CCNT1: variants seen among roughly 807,000 people sequenced by gnomAD.
The protein encoded by CCNT1 is cyclin T1.
In CCNT1, 18 loss-of-function variants were observed where a neutral mutation model predicts 67.3. That is an observed-to-expected ratio of 0.27 (90% CI 0.18 to 0.40). The LOEUF is 0.40. Ranked by LOEUF, CCNT1 falls within the 10% of genes least tolerant of loss-of-function variation. The pLI is 1.00. For missense variants in CCNT1, 744 were observed against 884.9 expected (o/e 0.84, Z 2.02); for synonymous variants, 333 against 310.3 (o/e 1.07, Z -0.77).
chr12:48,716,646 TTTG>T lies in CCNT1; in HGVS notation c.27_29del (p.Asn9del), dbSNP rs377525493. On this transcript the variant is annotated inframe_deletion, in exon 1 of 9. Coordinates refer to ENST00000261900, the MANE Select transcript of CCNT1 (RefSeq NM_001240.4). ...GCTGTTCTCGAGTGAAATACCACCG[TTTG>T]TTGTTGTTCTTCCTCTCTCCCTCCA... 31 of 1,614,104 alleles carry T rather than the reference TTTG, an allele frequency of 1.9e-5. No homozygotes were observed. In the African/African-American group the frequency reaches 2.3e-4, roughly 12 times the overall value.
chr12:48,710,852 G>C (rs1034000463), intron 2 of CCNT1, among the ~76,000 whole-genome samples: 1 of 152,152 alleles, frequency 6.6e-6, no homozygotes, highest in African/African-American at 2.4e-5. Context: ...CGTGAGGTCA[G>C]GAATTCAAGA....
In CCNT1 at chr12:48,691,456, C is replaced by A. The variant is rs1940072112; in HGVS notation, c.*1577G>T. 1 of 152,112 alleles carries A rather than the reference C, an allele frequency of 6.6e-6. No homozygotes were observed. The highest frequency in any genetic ancestry group is 1.5e-5 in the Non-Finnish European group (1 of 68,000). The allele number at this position is 152,112 out of a possible 1,614,324, so 9.4% of individuals were successfully genotyped here. A position where few individuals can be genotyped will look rare whatever the true frequency, so the allele number is the denominator to read the frequency against. On this transcript the variant is annotated 3_prime_UTR_variant, in exon 9 of 9. Coordinates refer to ENST00000261900, the MANE Select transcript of CCNT1 (RefSeq NM_001240.4). ...AGAGCAAAAAAAATGCAATGAAGAT[C>A]AAAGAATATCTCATTAAATGATCTC...
At position 48,694,206 on chromosome 12, in the gene CCNT1, G is replaced by A; in HGVS notation, c.1008C>T (p.Ser336=). 2.5e-6 allele frequency: 4 copies of A among 1,614,188 alleles called. No homozygotes were observed. The highest frequency in any genetic ancestry group is 1.6e-4 in the Middle Eastern group (1 of 6,062). ...VEMLPGKRWL[S]SQPSFKLEPT... ...GTTCTAGTTTGAAAGAAGGTTGGGA[G>A]GACAGCCAACGCTTGCCCGGCAACA... Residue 336 remains serine, a synonymous_variant, in exon 9 of 9, where the codon TCC becomes TCT. Transcript: ENST00000261900.
At chr12:48,708,465 T>C (rs1212966705) in intron 2 of CCNT1, among the ~76,000 whole-genome samples, 2 of 151,906 alleles carry the variant, frequency 1.3e-5, no homozygotes, top group African/African-American at 4.8e-5. Flanking sequence ...GAGAATCGCT[T>C]GAACCCAGGA....
rs558154621 is a variant in CCNT1, at chr12:48,694,393, G to C, written c.821C>G (p.Thr274Arg). The change falls in exon 9 of 9, where the codon ACA (threonine) becomes AGA (arginine). Residue 274 changes from threonine (T) to arginine (R), a missense_variant. Physicochemically the swap from Thr to Arg is moderately conservative, Grantham distance 71 (BLOSUM62 -1). Around this residue, in one of 3 missense-constraint regions of CCNT1, gnomAD observed 564 missense variants for 574.2 expected, o/e 0.98. Transcript: ENST00000261900. ...TGTCTGCTCTGAAGTCTTTTCATCTGTTCCTCGGTCATCTGCTTTTGTTTT... is the reference window on the plus strand; with the variant it reads ...TGTCTGCTCTGAAGTCTTTTCATCTCTTCCTCGGTCATCTGCTTTTGTTTT... ...AKKTKADDRGTDEKTSEQTIL... is the reference protein window; with the variant it reads ...AKKTKADDRGRDEKTSEQTIL... 26 of 1,613,846 alleles carry C rather than the reference G, an allele frequency of 1.6e-5. 2 individuals carry two copies. The South Asian group carries it at 2.6e-4, about 16-fold the overall frequency.
At chr12:48,702,933 T>C (rs6580692) in intron 3 of CCNT1, among the ~76,000 whole-genome samples, 112,353 of 151,894 alleles carry the variant, frequency 0.74, 42,641 homozygotes, top group East Asian at 0.99. Context: ...CCAGCCTGGG[T>C]AACATGGTAA....
At chr12:48,702,876 T>C (rs1274995234) in intron 3 of CCNT1, among the ~76,000 whole-genome samples, 1 of 152,008 alleles carries the variant, frequency 6.6e-6, no homozygotes, top group Non-Finnish European at 1.5e-5. Flanking sequence ...TTCTAACACT[T>C]TGGGAGGCCA....
intron 2 of CCNT1, among the ~76,000 whole-genome samples, chr12:48,709,756 T>C (rs984937800): frequency 5.3e-5 from 8 of 152,210 alleles, no homozygotes; most frequent in Non-Finnish European, 7.3e-5. Flanking sequence ...CAGAAAAATG[T>C]CTGGGTCACT....
At chr12:48,702,132 G>A (rs1019950791) in intron 3 of CCNT1, among the ~76,000 whole-genome samples, 8 of 151,970 alleles carry the variant, frequency 5.3e-5, no homozygotes, top group East Asian at 1.9e-4. Flanking sequence ...CCTGACCTCA[G>A]GTGATCCACC....
At chr12:48,715,855 G>A (rs1316514) in intron 1 of CCNT1, among the ~76,000 whole-genome samples, 42,143 of 152,092 alleles carry the variant, frequency 0.28, 7,157 homozygotes, top group East Asian at 0.76. Flanking sequence ...TTAGATTCGT[G>A]GGTATCCCCT....
chr12:48,693,590 G>A lies in CCNT1; in HGVS notation c.1624C>T (p.Pro542Ser). Residue 542 changes from proline (P) to serine (S), a missense_variant, in exon 9 of 9, where the codon CCT (proline) becomes TCT (serine). By Grantham distance (74) the Pro-to-Ser change is moderately conservative (BLOSUM62 -1). Around this residue, in one of 3 missense-constraint regions of CCNT1, gnomAD observed 564 missense variants for 574.2 expected, o/e 0.98. Coordinates refer to ENST00000261900, the MANE Select transcript of CCNT1 (RefSeq NM_001240.4). ...QLPVGTGNKR[P>S]GDPKHSSQTS... ...TGGCTACTATGTTTTGGATCACCAG[G>A]ACGTTTGTTCCCAGTACCAACTGGA... The A allele has an allele frequency of 6.2e-7, 1 of 1,614,192 alleles. No homozygotes were observed. Among genetic ancestry groups the A allele is most frequent in the Non-Finnish European group, 8.5e-7 (1 of 1,180,036 alleles).
Position 48,693,893 on chromosome 12 carries a change from T to C in CCNT1, c.1321A>G (p.Ile441Val), listed in dbSNP as rs759231919. ...CGCTCGGGGTTTTCTGAACCCTCTA[T>C]GGGCATTTTTAGAATGACTGAAGAA... ...SHSSVILKMP[I>V]EGSENPERPF... is the part of the protein sequence containing the mutation. The change falls in exon 9 of 9, where the codon ATA becomes GTA. Residue 441 changes from isoleucine (I) to valine (V), a missense_variant. Physicochemically the swap from Ile to Val is conservative, Grantham distance 29. Coordinates refer to ENST00000261900, the MANE Select transcript of CCNT1 (RefSeq NM_001240.4). 7.4e-6 allele frequency: 12 copies of C among 1,613,990 alleles called. No individual in the cohort carries two copies. In the East Asian group the frequency reaches 1.1e-4, roughly 15 times the overall value.
intron 6 of CCNT1, among the ~76,000 whole-genome samples, chr12:48,697,428 C>A (rs1042208724): frequency 6.6e-6 from 1 of 150,784 alleles, no homozygotes; most frequent in African/African-American, 2.4e-5. Flanking sequence ...GAGGCTGAGG[C>A]CGGAGAATCA....
At chr12:48,695,410 AC>A (rs1267939909) in intron 8 of CCNT1, among the ~76,000 whole-genome samples, 1 of 152,246 alleles carries the variant, frequency 6.6e-6, no homozygotes, top group Non-Finnish European at 1.5e-5. Context: ...AAACTGTGAT[AC>A]CGGCTCTAAC....
At chr12:48,696,837 A>G (rs1940175298) in intron 6 of CCNT1, among the ~76,000 whole-genome samples, 1 of 152,056 alleles carries the variant, frequency 6.6e-6, no homozygotes, top group Non-Finnish European at 1.5e-5. Context: ...TGTACTAATC[A>G]TTTACTTTTT....
Position 48,693,528 on chromosome 12 carries a change from A to C in CCNT1, c.1686T>G (p.Ser562=). 1 of 1,614,218 alleles carries C rather than the reference A, an allele frequency of 6.2e-7. No homozygotes were observed. The highest frequency in any genetic ancestry group is 8.5e-7 in the Non-Finnish European group (1 of 1,180,030). ...SNLAHKTYSL[S]SSFSSSSSTR... The stretch of plus-strand genomic sequence containing the variant: ...TAGAACTGGAAGAGGAAAAAGAACT[A>C]GACAAGCTATAGGTTTTATGTGCTA... Residue 562 remains serine (S), a synonymous_variant, in exon 9 of 9, where the codon TCT becomes TCG. Coordinates refer to ENST00000261900, the MANE Select transcript of CCNT1 (RefSeq NM_001240.4).
intron 3 of CCNT1, among the ~76,000 whole-genome samples, chr12:48,703,276 C>CA (rs527510606): frequency 6.7e-5 from 10 of 150,270 alleles, no homozygotes; most frequent in African/African-American, 1.2e-4. Flanking sequence ...GATTCTGTCT[C>CA]AAAAAAAACA....
intron 3 of CCNT1, among the ~76,000 whole-genome samples, chr12:48,704,282 G>A (rs944791598): frequency 2.0e-5 from 3 of 152,210 alleles, no homozygotes; most frequent in Admixed American, 6.5e-5. Flanking sequence ...CAGCAGGTAC[G>A]AGTGAGTGAA....
chr12:48,707,540 A>G (rs765033080), intron 2 of CCNT1, among the ~76,000 whole-genome samples: 25 of 152,022 alleles, frequency 1.6e-4, no homozygotes, highest in Non-Finnish European at 3.2e-4. Flanking sequence ...TCTGCCTCCC[A>G]AAGTCCTAGG....
Sources: gnomAD v4.1 joint callset for allele counts (sites outside exome capture counted in the v4.1 genomes callset) on GRCh38, gnomAD v4.1.1 for gene constraint, gnomAD v4.1.1 regional missense constraint, MANE v1.5 for transcripts, NCBI Gene and HGNC (gene_info 2026-07-23, HGNC 2026-07-21) for gene names.